MEIS2: variants seen among roughly 807,000 people sequenced by gnomAD.
MEIS2 encodes homeobox protein Meis2.
Under a neutral mutation model 58.6 loss-of-function variants are expected in MEIS2, and 9 were observed. That is an observed-to-expected ratio of 0.15 (90% CI 0.09 to 0.27). The LOEUF is 0.27. Among genes scored for constraint, MEIS2 ranks in the 10% least tolerant of loss-of-function variants. The pLI, the probability that MEIS2 is intolerant of heterozygous loss-of-function variation, is 1.00. For missense variants in MEIS2, 427 were observed against 635.0 expected, an observed-to-expected ratio of 0.67 and a Z score of 3.52; for synonymous variants, 221 against 228.4, an observed-to-expected ratio of 0.97 and a Z score of 0.29.
At chr15:36,945,568 A>T (rs966264455) in intron 9 of MEIS2, among the ~76,000 whole-genome samples, 1 of 152,060 alleles carries the variant, frequency 6.6e-6, no homozygotes, top group African/African-American at 2.4e-5. Context: ...ACAGTCCTTT[A>T]ATCGTAATTG....
rs538993811 is a variant in MEIS2 at position 37,098,371 on chromosome 15, G to A, written c.13-172C>T. ...GAAGAGAGGAGGAGGAGGAAAAGGA[G>A]GAGAGGGGGAGAGAGAGAGAGAGAG... is the stretch of plus-strand genomic sequence containing the variant. On this transcript the variant is annotated intron_variant, in intron 1 of 11. Transcript: ENST00000561208. 60 of 719,086 alleles carry A rather than the reference G, an allele frequency of 8.3e-5. No individual in the cohort carries two copies. The East Asian group carries it at 3.6e-3, about 44-fold the overall frequency. 44.5% of individuals were successfully genotyped at this position (719,086 alleles called of 1,614,324 possible).
intron 9 of MEIS2, among the ~76,000 whole-genome samples, chr15:36,926,313 A>C (rs2057746909): frequency 6.6e-6 from 1 of 152,180 alleles, no homozygotes; most frequent in African/African-American, 2.4e-5. Context: ...CAAGGGAATG[A>C]AACTATTTAT....
intron 7 of MEIS2, among the ~76,000 whole-genome samples, chr15:37,079,524 T>C (rs186288970): frequency 1.7e-4 from 20 of 118,006 alleles, no homozygotes; most frequent in African/African-American, 6.3e-4. Flanking sequence ...TTTAAATATA[T>C]AACTGGAATA....
chr15:36,906,651 GAAA>G (rs56715244), intron 9 of MEIS2, among the ~76,000 whole-genome samples: 1 of 96,552 alleles, frequency 1.0e-5, no homozygotes, highest in Non-Finnish European at 2.1e-5. Flanking sequence ...AGCCACTCAA[GAAA>G]AAAAAAAAAA....
At chr15:37,081,560 A>C (rs1307096318) in intron 7 of MEIS2, among the ~76,000 whole-genome samples, 1 of 152,180 alleles carries the variant, frequency 6.6e-6, no homozygotes, top group African/African-American at 2.4e-5. Flanking sequence ...CTGGCCTTCA[A>C]ATTTTAAAGT....
intron 8 of MEIS2, among the ~76,000 whole-genome samples, chr15:37,005,488 C>T (rs1382020462): frequency 6.6e-6 from 1 of 152,172 alleles, no homozygotes; most frequent in African/African-American, 2.4e-5. Context: ...CAGTACCATT[C>T]CTGCTGACGC....
chr15:37,092,955 A>C (rs979880259), intron 6 of MEIS2, among the ~76,000 whole-genome samples: 1 of 151,862 alleles, frequency 6.6e-6, no homozygotes, highest in Admixed American at 6.6e-5. Flanking sequence ...ATTGTTAATA[A>C]TTGGTTCATC....
At chr15:36,903,000 A>G (rs1805820466) in intron 9 of MEIS2, among the ~76,000 whole-genome samples, 3 of 152,172 alleles carry the variant, frequency 2.0e-5, no homozygotes, top group South Asian at 2.1e-4. Context: ...TATACATAAA[A>G]GAATTTTTAA....
chr15:37,076,678 CA>C (rs1891467065), intron 7 of MEIS2, among the ~76,000 whole-genome samples: 1 of 152,014 alleles, frequency 6.6e-6, no homozygotes, highest in Admixed American at 6.6e-5. Flanking sequence ...TCTTCCTTGA[CA>C]TTTGCACTTA....
chr15:37,009,625 C>T (rs1050512379), intron 8 of MEIS2, among the ~76,000 whole-genome samples: 7 of 152,168 alleles, frequency 4.6e-5, no homozygotes, highest in African/African-American at 1.4e-4. Context: ...TGAAGAATTA[C>T]GCTTCAAATA....
intron 7 of MEIS2, 35 bp from the exon 8 acceptor site, chr15:37,036,994 C>T (rs760963343): frequency 6.4e-7 from 1 of 1,572,950 alleles, no homozygotes; most frequent in Non-Finnish European, 8.6e-7. Context: ...TTAGAGAAAA[C>T]ATCGCAAGGT....
chr15:37,091,776 G>T (rs1330315538), intron 6 of MEIS2, among the ~76,000 whole-genome samples: 1 of 152,110 alleles, frequency 6.6e-6, no homozygotes, highest in African/African-American at 2.4e-5. Flanking sequence ...GAGTTGCCAA[G>T]AAACTGTTTT....
intron 7 of MEIS2, among the ~76,000 whole-genome samples, chr15:37,037,390 T>C (rs2062201582): frequency 6.6e-6 from 1 of 152,236 alleles, no homozygotes. Context: ...TGTGTCACTG[T>C]TCGTTGCACA....
intron 8 of MEIS2, among the ~76,000 whole-genome samples, chr15:36,995,992 T>TATATATATGTATATATATATAC (rs2060496335): frequency 3.8e-5 from 2 of 52,726 alleles, no homozygotes; most frequent in Non-Finnish European, 5.6e-5. Context: ...TATATATATA[T>TATATATATGTATATATATATAC]ATATATATAT....
At chr15:36,943,197 C>A (rs2058435665) in intron 9 of MEIS2, among the ~76,000 whole-genome samples, 1 of 152,100 alleles carries the variant, frequency 6.6e-6, no homozygotes, top group South Asian at 2.1e-4. Flanking sequence ...CAATATCATT[C>A]TTTTAAATCA....
At chr15:36,924,312 C>T (rs1403353033) in intron 9 of MEIS2, among the ~76,000 whole-genome samples, 1 of 152,170 alleles carries the variant, frequency 6.6e-6, no homozygotes, top group African/African-American at 2.4e-5. Context: ...AGGCAGAAAA[C>T]AGTCTTAAAG....
At chr15:36,976,327 A>G (rs745889274) in intron 8 of MEIS2, among the ~76,000 whole-genome samples, 4 of 151,414 alleles carry the variant, frequency 2.6e-5, no homozygotes, top group Admixed American at 6.6e-5. Flanking sequence ...CTTGTGATTC[A>G]CCCGCCTTGG....
intron 8 of MEIS2, among the ~76,000 whole-genome samples, chr15:37,036,125 C>A (rs906808258): frequency 4.6e-5 from 7 of 152,108 alleles, no homozygotes; most frequent in African/African-American, 1.2e-4. Context: ...ACAAGGATTG[C>A]AAACAGGAAG....
intron 9 of MEIS2, among the ~76,000 whole-genome samples, chr15:36,929,586 T>C (rs2057889080): frequency 6.6e-6 from 1 of 152,200 alleles, no homozygotes; most frequent in Admixed American, 6.5e-5. Flanking sequence ...AGTTTTGTAC[T>C]TGTGTCATTT....
Sources: allele counts gnomAD v4.1 joint callset (sites outside exome capture counted in the v4.1 genomes callset), GRCh38; gene constraint gnomAD v4.1.1; transcripts MANE v1.5; gene names NCBI Gene and HGNC (gene_info 2026-07-23, HGNC 2026-07-21).